ZFAND3: variants seen among roughly 807,000 people sequenced by gnomAD.
ZFAND3 encodes the protein AN1-type zinc finger protein 3.
ZFAND3 carries 10 observed loss-of-function variants against 29.6 expected under a neutral mutation model. That is an observed-to-expected ratio of 0.34 (90% CI 0.21 to 0.57). The LOEUF (loss-of-function observed/expected upper bound fraction) is 0.57, where lower values mean the gene tolerates loss of function less well. Among genes scored for constraint, ZFAND3 ranks in the 20% least tolerant of loss-of-function variants. ZFAND3 has a pLI of 0.86. For missense variants in ZFAND3, 230 were observed against 304.5 expected (o/e 0.76, Z 1.82); for synonymous variants, 128 against 112.6 (o/e 1.14, Z -0.87).
At chr6:38,007,212 A>G (rs1763066153) in intron 2 of ZFAND3, among the ~76,000 whole-genome samples, 1 of 152,188 alleles carries the variant, frequency 6.6e-6, no homozygotes, top group Admixed American at 6.5e-5. Flanking sequence ...TGTCCTTCTC[A>G]TTTAACTATA....
At chr6:37,853,622 A>T (rs2127380325) in intron 1 of ZFAND3, among the ~76,000 whole-genome samples, 1 of 152,322 alleles carries the variant, frequency 6.6e-6, no homozygotes, top group African/African-American at 2.4e-5. Flanking sequence ...GTTGAATTAC[A>T]AATGGATTAT....
Position 38,135,321 on chromosome 6 carries a change from T to G in ZFAND3, c.530-16914T>G, listed in dbSNP as rs185235938. Among the ~76,000 whole-genome samples the G allele has an allele frequency of 7.2e-5, 11 of 152,330 alleles. No individual in the cohort carries two copies. In the East Asian group the frequency reaches 2.1e-3, roughly 29 times the overall value. The stretch of plus-strand genomic sequence containing the variant: ...AAGGTGGATGTGTTAGCCCTATAGT[T>G]CATTGGAGAAGTGCCTAAAATAATT... On this transcript the variant is annotated intron_variant, in intron 5 of 5. Coordinates refer to ENST00000287218, the MANE Select transcript of ZFAND3 (RefSeq NM_021943.3).
intron 3 of ZFAND3, among the ~76,000 whole-genome samples, chr6:38,063,060 A>G (rs1764273388): frequency 1.3e-5 from 2 of 152,296 alleles, no homozygotes; most frequent in Middle Eastern, 6.8e-3. Context: ...ATTACACTGC[A>G]GCCTTGTGAG....
In ZFAND3 at chr6:38,043,002, G is replaced by A. The variant is rs1327947133; in HGVS notation, c.113-18591G>A. 2.0e-5 allele frequency among the ~76,000 whole-genome samples: 3 copies of A among 152,106 alleles called. No individual in the cohort carries two copies. In the East Asian group the frequency reaches 5.8e-4, roughly 29 times the overall value. Reference sequence around the variant, plus strand: ...GCTCGGATAAAAAAATAATGTATTAGATCATTGGTATTATAATCTTTTTGA... The same window carrying A: ...GCTCGGATAAAAAAATAATGTATTAAATCATTGGTATTATAATCTTTTTGA... On this transcript the variant is annotated intron_variant, in intron 2 of 5. Transcript: ENST00000287218.
At chr6:38,073,252 T>A (rs1764490402) in intron 3 of ZFAND3, among the ~76,000 whole-genome samples, 3 of 152,094 alleles carry the variant, frequency 2.0e-5, no homozygotes, top group African/African-American at 7.2e-5. Flanking sequence ...CATTTCCCTT[T>A]CTAAGGAAAG....
chr6:38,079,328 T>C (rs1385910215), intron 3 of ZFAND3, among the ~76,000 whole-genome samples: 2 of 152,206 alleles, frequency 1.3e-5, no homozygotes, highest in Non-Finnish European at 2.9e-5. Context: ...TGTAATATAG[T>C]GAATACATTG....
chr6:37,828,628 G>T (rs1217194754), intron 1 of ZFAND3, among the ~76,000 whole-genome samples: 26 of 151,148 alleles, frequency 1.7e-4, no homozygotes, highest in Admixed American at 1.7e-3. Flanking sequence ...CTGTGCCTAA[G>T]GAGGCATGGA....
intron 2 of ZFAND3, among the ~76,000 whole-genome samples, chr6:37,964,463 A>T (rs973090070): frequency 6.6e-6 from 1 of 152,174 alleles, no homozygotes; most frequent in Non-Finnish European, 1.5e-5. Flanking sequence ...GAAGAAGAAG[A>T]CCTTGGCAAA....
chr6:37,862,057 A>G (rs1216965267), intron 1 of ZFAND3, among the ~76,000 whole-genome samples: 8 of 152,204 alleles, frequency 5.3e-5, no homozygotes, highest in Admixed American at 5.2e-4. Context: ...GTGCTCAAAG[A>G]GGAAATAGCC....
At chr6:38,099,432 C>CTT (rs1765048316) in intron 4 of ZFAND3, among the ~76,000 whole-genome samples, 3 of 152,090 alleles carry the variant, frequency 2.0e-5, no homozygotes, top group Non-Finnish European at 4.4e-5. Flanking sequence ...CCTTATGCAC[C>CTT]CCGTCATTCT....
intron 3 of ZFAND3, among the ~76,000 whole-genome samples, chr6:38,072,429 T>TC (rs1561988901): frequency 1.3e-5 from 2 of 152,052 alleles, no homozygotes; most frequent in Admixed American, 6.6e-5. Context: ...ATCATCACTG[T>TC]CCCCCCTGCC....
intron 2 of ZFAND3, among the ~76,000 whole-genome samples, chr6:38,041,465 T>C (rs1353780443): frequency 6.6e-6 from 1 of 151,880 alleles, no homozygotes; most frequent in African/African-American, 2.4e-5. Context: ...TCTTAAATTA[T>C]ATCATTATAA....
chr6:38,007,727 A>T (rs1331105581), intron 2 of ZFAND3, among the ~76,000 whole-genome samples: 1 of 152,202 alleles, frequency 6.6e-6, no homozygotes, highest in East Asian at 1.9e-4. Context: ...GCACAGCCAC[A>T]GAGGGGTATT....
chr6:38,006,865 G>T (rs1763059885), intron 2 of ZFAND3, among the ~76,000 whole-genome samples: 1 of 152,018 alleles, frequency 6.6e-6, no homozygotes, highest in Non-Finnish European at 1.5e-5. Flanking sequence ...AGTAAATGAA[G>T]TCACAACTTG....
chr6:37,872,845 G>A (rs1056779466), intron 1 of ZFAND3, among the ~76,000 whole-genome samples: 3 of 152,172 alleles, frequency 2.0e-5, no homozygotes, highest in African/African-American at 4.8e-5. Context: ...ATTCTTTTAC[G>A]TGTCTTTTGG....
intron 5 of ZFAND3, among the ~76,000 whole-genome samples, chr6:38,123,970 A>G (rs1765582143): frequency 6.6e-6 from 1 of 152,024 alleles, no homozygotes; most frequent in Admixed American, 6.6e-5. Flanking sequence ...GCCACTACTG[A>G]CACAGGCAGC....
chr6:38,067,994 T>C (rs1441008313), intron 3 of ZFAND3, among the ~76,000 whole-genome samples: 2 of 152,212 alleles, frequency 1.3e-5, no homozygotes, highest in Non-Finnish European at 2.9e-5. Flanking sequence ...AGAGAACTGA[T>C]ACCTGCTGCT....
intron 1 of ZFAND3, among the ~76,000 whole-genome samples, chr6:37,832,529 G>A (rs1290847191): frequency 6.6e-6 from 1 of 152,214 alleles, no homozygotes; most frequent in Non-Finnish European, 1.5e-5. Flanking sequence ...AAGTTGAAGT[G>A]ATTCAGTGAA....
intron 2 of ZFAND3, among the ~76,000 whole-genome samples, chr6:38,009,189 TAAATA>T (rs1337372110): frequency 6.6e-6 from 1 of 152,184 alleles, no homozygotes; most frequent in African/African-American, 2.4e-5. Flanking sequence ...AATAAATAGT[TAAATA>T]AAATTTAAAG....
Sources: allele counts gnomAD v4.1 joint callset (sites outside exome capture counted in the v4.1 genomes callset), GRCh38; gene constraint gnomAD v4.1.1; transcripts MANE v1.5; gene names NCBI Gene and HGNC (gene_info 2026-07-23, HGNC 2026-07-21).